The following LIFR variants were observed in gnomAD, a reference collection of about 807,000 sequenced individuals.
The protein encoded by LIFR is LIF receptor subunit alpha, also known as leukemia inhibitory factor receptor.
LIFR carries 84 observed loss-of-function variants against 122.2 expected under a neutral mutation model. That is an observed-to-expected ratio of 0.69 (90% CI 0.58 to 0.82). LIFR has a LOEUF of 0.82. Ranked by LOEUF, LIFR falls within the 40% of genes least tolerant of loss-of-function variation. The pLI, the probability that LIFR is intolerant of heterozygous loss-of-function variation, is 0.00. For missense variants in LIFR, 1,294 were observed against 1,311.6 expected (o/e 0.99, Z 0.21); for synonymous variants, 422 against 434.7 (o/e 0.97, Z 0.36).
intron 4 of LIFR, among the ~76,000 whole-genome samples, 154 bp downstream of exon 4, chr5:38,527,001 T>A (rs1240277323): frequency 6.6e-6 from 1 of 152,222 alleles, no homozygotes; most frequent in Admixed American, 6.5e-5. Context: ...TGCTTCCTTC[T>A]GATCTTGGCT....
intron 4 of LIFR, among the ~76,000 whole-genome samples, chr5:38,526,249 C>T (rs77725203): frequency 0.053 from 8,045 of 152,172 alleles, 248 homozygotes; most frequent in Middle Eastern, 0.099. Context: ...TCTACGTGCT[C>T]CTGCTTCCTT....
intron 14 of LIFR, among the ~76,000 whole-genome samples, chr5:38,493,056 C>A (rs1192645641): frequency 2.6e-5 from 4 of 152,182 alleles, no homozygotes; most frequent in Admixed American, 2.6e-4. Flanking sequence ...CCCACCCACA[C>A]TGCGCTCAGT....
At chr5:38,498,834 T>A (rs1017416476) in intron 12 of LIFR, among the ~76,000 whole-genome samples, 7 of 152,220 alleles carry the variant, frequency 4.6e-5, no homozygotes, top group Non-Finnish European at 1.0e-4. Context: ...AACCTGCATG[T>A]ACACTTCACT....
At chr5:38,531,728 G>A (rs958980216) in intron 1 of LIFR, among the ~76,000 whole-genome samples, 2 of 152,024 alleles carry the variant, frequency 1.3e-5, no homozygotes, top group Non-Finnish European at 2.9e-5. Flanking sequence ...CTTGATAAAG[G>A]AAAGGAGATC....
chr5:38,553,836 A>G (rs936368640), intron 1 of LIFR, among the ~76,000 whole-genome samples: 2 of 151,426 alleles, frequency 1.3e-5, no homozygotes, highest in African/African-American at 4.8e-5. Context: ...TTTACAATTT[A>G]TTCTTTTTCA....
chr5:38,527,199 A>G lies in LIFR; in HGVS notation c.353T>C (p.Phe118Ser). The change falls in exon 4 of 20, where the codon TTT (phenylalanine) becomes TCT (serine). Residue 118 changes from phenylalanine to serine, a missense_variant. Coordinates refer to ENST00000453190, the MANE Select transcript of LIFR (RefSeq NM_001127671.2). ...YEITINSLHDFGSSTSKFTLN... is the reference protein window; with the variant it reads ...YEITINSLHDSGSSTSKFTLN... ...TGTGAATTTACTTGTAGAACTTCCAAAATCATGTAGAGAATTTATTGTTAT... is the reference window on the plus strand; with the variant it reads ...TGTGAATTTACTTGTAGAACTTCCAGAATCATGTAGAGAATTTATTGTTAT... 1 of 1,591,944 alleles carries G rather than the reference A, an allele frequency of 6.3e-7. No homozygotes were observed. The highest frequency in any genetic ancestry group is 8.6e-7 in the Non-Finnish European group (1 of 1,161,492).
In LIFR at chr5:38,511,816, T is replaced by A. The variant is rs1301095615; in HGVS notation, c.710A>T (p.Asp237Val). Residue 237 changes from aspartate (D) to valine (V), a missense_variant, in exon 6 of 20, where the codon GAC becomes GTC. By Grantham distance (152) the Asp-to-Val change is radical. Coordinates refer to ENST00000453190, the MANE Select transcript of LIFR (RefSeq NM_001127671.2). ...AGAAATGTTCTTCACAGGGCTCCAG[T>A]CACTCCACTCTTCGAGACCAGAAAA... is the stretch of plus-strand genomic sequence containing the variant. ...LHFSGLEEWS[D>V]WSPVKNISWI... The A allele has an allele frequency of 1.9e-6, 3 of 1,614,086 alleles. No individual in the cohort carries two copies. The highest frequency in any genetic ancestry group is 2.5e-6 in the Non-Finnish European group (3 of 1,179,960).
At chr5:38,483,146 C>T (rs1744086264) in intron 18 of LIFR, among the ~76,000 whole-genome samples, 1 of 151,894 alleles carries the variant, frequency 6.6e-6, no homozygotes, top group Non-Finnish European at 1.5e-5. Flanking sequence ...CCGAGGTGGT[C>T]ATAAAAGTGA....
chr5:38,525,504 A>C (rs552147973), intron 4 of LIFR, among the ~76,000 whole-genome samples: 1 of 152,322 alleles, frequency 6.6e-6, no homozygotes, highest in South Asian at 2.1e-4. Flanking sequence ...AGTTATTAAA[A>C]ATAGGTTTAA....
At chr5:38,525,090 C>G (rs1313554655) in intron 4 of LIFR, among the ~76,000 whole-genome samples, 2 of 152,068 alleles carry the variant, frequency 1.3e-5, no homozygotes, top group African/African-American at 4.8e-5. Flanking sequence ...TAGGGAGAAT[C>G]CAGGACACTA....
chr5:38,499,682 C>T (rs551077454), intron 11 of LIFR, 99 bp from the exon 12 acceptor site: 6 of 855,412 alleles, frequency 7.0e-6, no homozygotes, highest in South Asian at 4.1e-5. Flanking sequence ...CTCAATAAAA[C>T]GTGAAGCAGT....
At chr5:38,538,258 A>T (rs531906904) in intron 1 of LIFR, among the ~76,000 whole-genome samples, 2 of 152,232 alleles carry the variant, frequency 1.3e-5, no homozygotes, top group Non-Finnish European at 2.9e-5. Flanking sequence ...TGCTCCTTCT[A>T]TCCTTCACTT....
chr5:38,595,727 CTTTTTTTTTTTTT>C (rs70978897), upstream of LIFR, among the ~76,000 whole-genome samples: 1 of 91,932 alleles, frequency 1.1e-5, no homozygotes, highest in Non-Finnish European at 2.0e-5. Context: ...CACAATAGGT[CTTTTTTTTTTTTT>C]TTTTTTTTTT....
At chr5:38,513,764 C>T (rs1172906054) in intron 5 of LIFR, among the ~76,000 whole-genome samples, 1 of 152,036 alleles carries the variant, frequency 6.6e-6, no homozygotes, top group Non-Finnish European at 1.5e-5. Flanking sequence ...AGGGAAGGCC[C>T]CCATCAACAA....
In LIFR at chr5:38,474,724, G is replaced by C. The variant is rs752399140; in HGVS notation, c.*6871C>G. Among the ~76,000 whole-genome samples the C allele has an allele frequency of 3.3e-5, 5 of 152,100 alleles. No individual in the cohort carries two copies. Among genetic ancestry groups the C allele is most frequent in the African/African-American group, 7.2e-5 (3 of 41,422 alleles). ...TGCTAATGTTGGATTCCCACTATTT[G>C]ATTATTTTGATGCTAACTTCTCAGG... On this transcript the variant is annotated 3_prime_UTR_variant, in exon 20 of 20. Transcript: ENST00000453190.
chr5:38,482,675 T>TA lies in LIFR; in HGVS notation c.2592-9dup. ...TAGAAGGTTTCTTTAATCCTTTAAA[T>TA]AAAAAATTATTACAGTAAATTTAAT... On this transcript the variant is annotated splice_polypyrimidine_tract_variant and intron_variant, in intron 18 of 19. Coordinates refer to ENST00000453190, the MANE Select transcript of LIFR (RefSeq NM_001127671.2). 8.7e-7 allele frequency: 1 copy of TA among 1,147,078 alleles called. No individual in the cohort carries two copies. The highest frequency in any genetic ancestry group is 1.5e-5 in the South Asian group (1 of 64,566). The allele number at this position is 1,147,078 out of a possible 1,614,324, so 71.1% of individuals were successfully genotyped here.
chr5:38,530,913 T>A (rs1357435407), intron 1 of LIFR: 3 of 414,362 alleles, frequency 7.2e-6, no homozygotes, highest in African/African-American at 4.0e-5. Context: ...AGATCATAAC[T>A]ATAATTATAA....
chr5:38,540,130 G>C (rs1747509539), intron 1 of LIFR, among the ~76,000 whole-genome samples: 1 of 152,094 alleles, frequency 6.6e-6, no homozygotes, highest in South Asian at 2.1e-4. Context: ...TTCTACCACT[G>C]AATAGGTGAC....
rs1252170183 is a variant in LIFR, at chr5:38,502,619, A to G, written c.1600+18T>C. 3 of 1,592,414 alleles carry G rather than the reference A, an allele frequency of 1.9e-6. No homozygotes were observed. The highest frequency in any genetic ancestry group is 2.6e-6 in the Non-Finnish European group (3 of 1,161,332). ...AATACACAGTAATTATTAGCCATACATCACTTAGTTAACTTACTGGCTTCT... is the reference window on the plus strand; with the variant it reads ...AATACACAGTAATTATTAGCCATACGTCACTTAGTTAACTTACTGGCTTCT... On this transcript the variant is annotated intron_variant, in intron 11 of 19. Transcript: ENST00000453190.
Sources: gnomAD v4.1 joint callset for allele counts (sites outside exome capture counted in the v4.1 genomes callset) on GRCh38, gnomAD v4.1.1 for gene constraint, MANE v1.5 for transcripts, NCBI Gene and HGNC (gene_info 2026-07-23, HGNC 2026-07-21) for gene names.